Variants in CAPN10 observed in about 807,000 individuals in gnomAD.
CAPN10 encodes the protein calpain 10.
CAPN10 carries 71 observed loss-of-function variants against 78.4 expected under a neutral mutation model. That is an observed-to-expected ratio of 0.91 (90% confidence interval 0.75 to 1.10). The LOEUF (loss-of-function observed/expected upper bound fraction) is 1.10. Among genes scored for constraint, CAPN10 ranks in the 50% least tolerant of loss-of-function variants. The pLI is 0.00. For missense variants in CAPN10, 849 were observed against 924.6 expected, an observed-to-expected ratio of 0.92 and a Z score of 1.06; for synonymous variants, 437 against 407.2, an observed-to-expected ratio of 1.07 and a Z score of -0.88.
rs1223527063 is a variant in CAPN10, at chr2:240,596,278, C to T, written c.1279-41C>T. 9 of 1,561,400 alleles carry T rather than the reference C, an allele frequency of 5.8e-6. 1 individual carries two copies. In the South Asian group the frequency reaches 6.0e-5, roughly 10 times the overall value. On this transcript the variant is annotated intron_variant, in intron 7 of 11. Transcript: ENST00000391984. ...AGGTCAAGGCCAGGGCGTCTGACCC[C>T]GGCCGCTCCTCCACACTGAGCCTCC... is the stretch of plus-strand genomic sequence containing the variant.
At chr2:240,594,316 C>T (rs767611351) in intron 5 of CAPN10, 3 of 614,164 alleles carry the variant, frequency 4.9e-6, no homozygotes, top group South Asian at 2.1e-5. Flanking sequence ...CATCCAGAGG[C>T]GTGAAGTTCC....
chr2:240,589,425 TC>T lies in CAPN10; in HGVS notation c.226del (p.Leu76CysfsTer47). ...CAGGGGCTGCTGGGGGATTGCTGGT[TC>T]CTGTGTGCCTGCGCCGCGCTGCAGA... ...VKQGLLGDCW[F>X]LCACAALQKS... On this transcript the variant is annotated frameshift_variant, in exon 2 of 12. Coordinates refer to ENST00000391984, the MANE Select transcript of CAPN10 (RefSeq NM_023083.4). LOFTEE classifies it high-confidence loss of function. 1 of 1,613,984 alleles carries T rather than the reference TC, an allele frequency of 6.2e-7. No individual in the cohort carries two copies. Among genetic ancestry groups the T allele is most frequent in the Non-Finnish European group, 8.5e-7 (1 of 1,180,026 alleles).
Position 240,596,523 on chromosome 2 carries a change from TGA to T in CAPN10, c.1481+6_1481+7del, listed in dbSNP as rs1336368134. 2 of 1,601,272 alleles carry T rather than the reference TGA, an allele frequency of 1.2e-6. No individual in the cohort carries two copies. The highest frequency in any genetic ancestry group is 2.7e-5 in the African/African-American group (2 of 74,672). ...CTCTACCGGGCGAGTCTCCCTTAGG[TGA>T]GAGGAACCGCGCAGTGCTGCTGGCT... On this transcript the variant is annotated splice_donor_region_variant and intron_variant, in intron 8 of 11. Transcript: ENST00000391984.
chr2:240,586,987 C>G lies in CAPN10; in HGVS notation c.76C>G (p.Leu26Val). 6.7e-7 allele frequency: 1 copy of G among 1,486,416 alleles called. No homozygotes were observed. Among genetic ancestry groups the G allele is most frequent in the South Asian group, 1.3e-5 (1 of 78,024 alleles). 92.1% of individuals were successfully genotyped at this position (1,486,416 alleles called of 1,614,324 possible). The change falls in exon 1 of 12, where the codon CTC (leucine) becomes GTC (valine). Residue 26 changes from leucine to valine, a missense_variant. Transcript: ENST00000391984. ...CGCCTTCCCCGCCGCGGACTCCTCG[C>G]TCTTCTGCGACTTGTCTACGCCGCT... ...DAAFPAADSS[L>V]FCDLSTPLAQ... is the part of the protein sequence containing the mutation.
intron 7 of CAPN10, chr2:240,595,940 A>G: frequency 1.5e-6 from 2 of 1,343,370 alleles, no homozygotes; most frequent in Non-Finnish European, 2.0e-6. Flanking sequence ...ACAGGGTGTG[A>G]CACTTGGCAC....
chr2:240,589,557 C>A, intron 2 of CAPN10, 83 bp downstream of exon 2: 3 of 1,491,660 alleles, frequency 2.0e-6, no homozygotes, highest in Non-Finnish European at 1.8e-6. Context: ...GGAGGCCTTG[C>A]GAAAGCAGAG....
Position 240,590,843 on chromosome 2 carries a change from C to T in CAPN10, c.302C>T (p.Ala101Val), listed in dbSNP as rs778658220. 4 of 1,614,066 alleles carry T rather than the reference C, an allele frequency of 2.5e-6. No individual in the cohort carries two copies. The highest frequency in any genetic ancestry group is 3.4e-6 in the Non-Finnish European group (4 of 1,180,036). The part of the protein sequence containing the change: ...QVIPPGQPSW[A>V]DQEYRGSFTC... ...ATTCCTCCGGGACAGCCGAGCTGGG[C>T]CGACCAGGAGTACCGGGGCTCCTTC... Residue 101 changes from alanine to valine, a missense_variant, in exon 3 of 12, where the codon GCC becomes GTC. Physicochemically the swap from Ala to Val is moderately conservative, Grantham distance 64. Coordinates refer to ENST00000391984, the MANE Select transcript of CAPN10 (RefSeq NM_023083.4).
intron 4 of CAPN10, chr2:240,592,433 G>A: frequency 1.5e-6 from 1 of 683,192 alleles, no homozygotes; most frequent in Non-Finnish European, 2.7e-6. Flanking sequence ...GCCATCCCTG[G>A]CCCAGCTGGC....
rs1193580427 is a variant in CAPN10, at chr2:240,586,806, G to T, written c.-106G>T. On this transcript the variant is annotated 5_prime_UTR_variant, in exon 1 of 12. Transcript: ENST00000391984. ...TCGGGCTTGGAGGGCTGGGCCGGGC[G>T]GGGAACGGGCGGGGCGGGCCGGAGG... 2.0e-5 allele frequency: 23 copies of T among 1,152,178 alleles called. No individual in the cohort carries two copies. Among genetic ancestry groups the T allele is most frequent in the South Asian group, 2.6e-5 (1 of 38,622 alleles). The allele number at this position is 1,152,178 out of a possible 1,614,324, so 71.4% of individuals were successfully genotyped here. A position where few individuals can be genotyped will look rare whatever the true frequency, so the allele number is the denominator to read the frequency against.
In CAPN10 at chr2:240,596,785, C is replaced by CG. The variant is rs779173614; in HGVS notation, c.1592dup (p.Ser532GlnfsTer38). Reference sequence around the variant, plus strand: ...GGTTCTTGGAGAGTCGGCCAGACGGCGGGGGGCAGCAGGAACTTTGCCTCA... The same window carrying CG: ...GGTTCTTGGAGAGTCGGCCAGACGGCGGGGGGGCAGCAGGAACTTTGCCTCA... On this transcript the variant is annotated frameshift_variant, in exon 9 of 12. Coordinates refer to ENST00000391984, the MANE Select transcript of CAPN10 (RefSeq NM_023083.4). LOFTEE classifies it high-confidence loss of function. 4.0e-5 allele frequency: 65 copies of CG among 1,612,394 alleles called. No individual in the cohort carries two copies. The highest frequency in any genetic ancestry group is 5.3e-5 in the Non-Finnish European group (62 of 1,179,708).
chr2:240,591,554 G>A, intron 3 of CAPN10: 1 of 284,840 alleles, frequency 3.5e-6, no homozygotes, highest in South Asian at 7.1e-5. Context: ...GGGAAGGCTG[G>A]CTGGTGACAT....
At chr2:240,593,265 G>C (rs1204674941) in intron 4 of CAPN10, among the ~76,000 whole-genome samples, 1 of 152,272 alleles carries the variant, frequency 6.6e-6, no homozygotes, top group Admixed American at 6.5e-5. Flanking sequence ...GGCACTGACT[G>C]GAGGTGCATT....
rs373382524 is a variant in CAPN10, at chr2:240,586,971, C to G, written c.60C>G (p.Pro20=). The part of the protein sequence containing the change: ...ARELFRDAAF[P]AADSSLFCDL... ...AGCTGTTCCGGGACGCCGCCTTCCC[C>G]GCCGCGGACTCCTCGCTCTTCTGCG... Residue 20 remains proline, a synonymous_variant, in exon 1 of 12, where the codon CCC becomes CCG. Transcript: ENST00000391984. 1.3e-6 allele frequency: 2 copies of G among 1,482,744 alleles called. No homozygotes were observed. Among genetic ancestry groups the G allele is most frequent in the African/African-American group, 1.5e-5 (1 of 68,460 alleles). 91.8% of individuals were successfully genotyped at this position (1,482,744 alleles called of 1,614,324 possible). A position where few individuals can be genotyped will look rare whatever the true frequency, so the allele number is the denominator to read the frequency against.
chr2:240,589,679 G>A (rs944729963), intron 2 of CAPN10: 7 of 638,656 alleles, frequency 1.1e-5, no homozygotes, highest in African/African-American at 3.7e-5. Flanking sequence ...CCTTGGCCTC[G>A]CCAGAAGGCT....
At chr2:240,592,192 C>T (rs1575447820) in intron 4 of CAPN10, 42 bp downstream of exon 4, 2 of 1,490,648 alleles carry the variant, frequency 1.3e-6, no homozygotes, top group Non-Finnish European at 9.1e-7. Flanking sequence ...AGCCAGCGTG[C>T]CCCCCACTGC....
intron 4 of CAPN10, 134 bp from the exon 5 acceptor site, chr2:240,593,772 C>G: frequency 9.7e-7 from 1 of 1,031,442 alleles, no homozygotes; most frequent in Admixed American, 2.5e-5. Flanking sequence ...CCATGGGGAT[C>G]TGGGGTCTCC....
chr2:240,596,968 G>C, intron 9 of CAPN10, 26 bp downstream of exon 9: 2 of 1,613,100 alleles, frequency 1.2e-6, no homozygotes, highest in Non-Finnish European at 8.5e-7. Context: ...CAGGGAGGGA[G>C]GGGGAGCAGA....
At chr2:240,593,728 G>A (rs935295004) in intron 4 of CAPN10, among the ~76,000 whole-genome samples, 178 bp from the exon 5 acceptor site, 12 of 152,198 alleles carry the variant, frequency 7.9e-5, no homozygotes, top group Non-Finnish European at 1.8e-4. Flanking sequence ...CTGAGCTGAT[G>A]GGTCACAGCT....
At position 240,594,610 on chromosome 2, in the gene CAPN10, G is replaced by A; in HGVS notation, c.898G>A (p.Glu300Lys). 6.2e-7 allele frequency: 1 copy of A among 1,614,032 alleles called. No homozygotes were observed. Among genetic ancestry groups the A allele is most frequent in the Non-Finnish European group, 8.5e-7 (1 of 1,179,992 alleles). Residue 300 changes from glutamate (E) to lysine (K), a missense_variant, in exon 6 of 12, where the codon GAG (glutamate) becomes AAG (lysine). By Grantham distance (56) the Glu-to-Lys change is moderately conservative (BLOSUM62 1). Transcript: ENST00000391984. Reference protein sequence around the residue: ...SELLSQLQEGEFWVEEEEFLR... With the variant: ...SELLSQLQEGKFWVEEEEFLR... ...GCTCCTGTCCCAGCTCCAGGAAGGG[G>A]AGTTCTGGGTGGAGGAGGAGGAGTT...
Sources: allele counts gnomAD v4.1 joint callset (sites outside exome capture counted in the v4.1 genomes callset), GRCh38; gene constraint gnomAD v4.1.1; transcripts MANE v1.5; gene names NCBI Gene and HGNC (gene_info 2026-07-23, HGNC 2026-07-21).